The following KIF18B variants were observed in gnomAD, a reference collection of about 807,000 sequenced individuals.
The protein encoded by KIF18B is kinesin family member 18B.
Under a neutral mutation model 80.9 loss-of-function variants are expected in KIF18B, and 49 were observed. The ratio of observed to expected loss-of-function variants is 0.61; its 90% CI spans 0.48 to 0.77. The LOEUF (loss-of-function observed/expected upper bound fraction) is 0.77, where lower values mean the gene tolerates loss of function less well. Among genes scored for constraint, KIF18B ranks in the 30% least tolerant of loss-of-function variants. The probability of loss-of-function intolerance (pLI) is 0.00; values close to 1 mark genes in which losing one functional copy is unlikely to be tolerated. For synonymous variants in KIF18B, 439 were observed against 463.9 expected (o/e 0.95, Z 0.69); for missense variants, 994 against 1,127.7 (o/e 0.88, Z 1.70).
chr17:44,928,731 A>G, intron 12 of KIF18B, 88 bp downstream of exon 12: 1 of 1,445,242 alleles, frequency 6.9e-7, no homozygotes, highest in Non-Finnish European at 9.4e-7. Flanking sequence ...AAACCCAGCA[A>G]CTGAGGCCCC....
intron 2 of KIF18B, 100 bp from the exon 3 acceptor site, chr17:44,935,516 C>T (rs2052269744): frequency 2.4e-6 from 3 of 1,273,404 alleles, no homozygotes; most frequent in African/African-American, 1.5e-5. Flanking sequence ...CCTGTGTTCC[C>T]TGGTCCATTA....
intron 1 of KIF18B, among the ~76,000 whole-genome samples, chr17:44,936,699 G>T (rs144314588): frequency 7.9e-6 from 1 of 126,286 alleles, no homozygotes; most frequent in Non-Finnish European, 1.6e-5. Flanking sequence ...GAGTGCAATG[G>T]CATGATCTCG....
At chr17:44,938,893 A>C (rs2052361574) in intron 1 of KIF18B, among the ~76,000 whole-genome samples, 1 of 151,736 alleles carries the variant, frequency 6.6e-6, no homozygotes, top group African/African-American at 2.4e-5. Context: ...GAAAATACAA[A>C]ATTAGGCGGG....
Position 44,933,906 on chromosome 17 carries a change from C to A in KIF18B, c.1062+17G>T. 6.5e-7 allele frequency: 1 copy of A among 1,544,214 alleles called. No individual in the cohort carries two copies. Among genetic ancestry groups the A allele is most frequent in the Non-Finnish European group, 8.7e-7 (1 of 1,144,214 alleles). On this transcript the variant is annotated intron_variant, in intron 7 of 15. Coordinates refer to ENST00000593135, the MANE Select transcript of KIF18B (RefSeq NM_001265577.2). ...TGGAGCTGCCCCACGCCCAAGCCGG[C>A]CCTGGCTGGCACGCACCGAGAGCCT...
At position 44,934,291 on chromosome 17, in the gene KIF18B, T is replaced by A. The variant is rs2052227928; in HGVS notation, c.827A>T (p.Asn276Ile). ...AKGERLREGANINRSLLALIN... is the reference protein window; with the variant it reads ...AKGERLREGAIINRSLLALIN... Reference sequence around the variant, plus strand: ...GAGCGCCAGCAGAGAGCGGTTGATGTTGGCCCCCTCCCGCAGCCGCTCCCC... The same window carrying A: ...GAGCGCCAGCAGAGAGCGGTTGATGATGGCCCCCTCCCGCAGCCGCTCCCC... Residue 276 changes from asparagine to isoleucine, a missense_variant, in exon 6 of 16, where the codon AAC becomes ATC. Coordinates refer to ENST00000593135, the MANE Select transcript of KIF18B (RefSeq NM_001265577.2). The surrounding 1 kb of genome is among the most constrained non-coding windows in gnomAD (Gnocchi z 5.4). The A allele has an allele frequency of 1.2e-5, 19 of 1,613,222 alleles. No individual in the cohort carries two copies. The highest frequency in any genetic ancestry group is 1.6e-5 in the Non-Finnish European group (19 of 1,179,782).
At position 44,934,310 on chromosome 17, in the gene KIF18B, G is replaced by T. The variant is rs1261038268; in HGVS notation, c.808C>A (p.Arg270=). 6.2e-7 allele frequency: 1 copy of T among 1,611,054 alleles called. No individual in the cohort carries two copies. Among genetic ancestry groups the T allele is most frequent in the Non-Finnish European group, 8.5e-7 (1 of 1,178,772 alleles). The change falls in exon 6 of 16, where the codon CGG becomes AGG. Residue 270 remains arginine, a synonymous_variant. Transcript: ENST00000593135. This position sits in a 1 kb window ranked among gnomAD's most constrained non-coding sequence, Gnocchi z 5.4. ...RASSTHAKGE[R]LREGANINRS... ...TTGATGTTGGCCCCCTCCCGCAGCCGCTCCCCCTTCGCATGGGTGCTGGAT... is the reference window on the plus strand; with the variant it reads ...TTGATGTTGGCCCCCTCCCGCAGCCTCTCCCCCTTCGCATGGGTGCTGGAT...
chr17:44,947,312 CG>C (rs1465740362), intron 1 of KIF18B, among the ~76,000 whole-genome samples: 2 of 152,008 alleles, frequency 1.3e-5, no homozygotes, highest in African/African-American at 4.8e-5. Context: ...GGACCTTTCA[CG>C]GGGCCGACGT....
chr17:44,931,815 C>T (rs1284453810), intron 10 of KIF18B, 86 bp from the exon 11 acceptor site: 3 of 1,534,570 alleles, frequency 2.0e-6, no homozygotes, highest in Non-Finnish European at 1.8e-6. Flanking sequence ...TTCCCTCCTA[C>T]AAGAGTGGAA....
At chr17:44,930,838 G>A (rs1158400873) in intron 11 of KIF18B, among the ~76,000 whole-genome samples, 1 of 152,134 alleles carries the variant, frequency 6.6e-6, no homozygotes, top group African/African-American at 2.4e-5. Flanking sequence ...CAGGGCCCTG[G>A]GCAGGACCTG....
chr17:44,941,193 C>A (rs79308843), intron 1 of KIF18B, among the ~76,000 whole-genome samples: 12,849 of 152,056 alleles, frequency 0.085, 610 homozygotes, highest in Middle Eastern at 0.19. Context: ...GCTATACTGC[C>A]TTATAGTGAT....
intron 1 of KIF18B, among the ~76,000 whole-genome samples, chr17:44,941,273 C>A (rs57268380): frequency 1.3e-4 from 19 of 151,396 alleles, no homozygotes; most frequent in African/African-American, 4.6e-4. Context: ...ATTATAATTC[C>A]TTTTATGGAA....
At chr17:44,935,075 G>A in intron 3 of KIF18B, 140 bp from the exon 4 acceptor site, 9 of 871,722 alleles carry the variant, frequency 1.0e-5, no homozygotes, top group Non-Finnish European at 1.6e-5. Context: ...TGTGTTACAT[G>A]ACCACAGCAG....
chr17:44,933,002 G>A lies in KIF18B; in HGVS notation c.1063-16C>T. On this transcript the variant is annotated splice_polypyrimidine_tract_variant and intron_variant, in intron 7 of 15. Coordinates refer to ENST00000593135, the MANE Select transcript of KIF18B (RefSeq NM_001265577.2). ...TGCTCTTCAGCTGAGATGGGGAACA[G>A]GAGAGAGATTTATTTGTTCATTCAA... The A allele has an allele frequency of 1.3e-6, 2 of 1,598,250 alleles. No individual in the cohort carries two copies. The highest frequency in any genetic ancestry group is 1.7e-6 in the Non-Finnish European group (2 of 1,167,766).
In KIF18B at chr17:44,932,672, C is replaced by T; in HGVS notation, c.1238+1G>A. 6.2e-7 allele frequency: 1 copy of T among 1,600,240 alleles called. No homozygotes were observed. Among genetic ancestry groups the T allele is most frequent in the Non-Finnish European group, 8.6e-7 (1 of 1,169,350 alleles). On this transcript the variant is annotated splice_donor_variant, in intron 9 of 15. Coordinates refer to ENST00000593135, the MANE Select transcript of KIF18B (RefSeq NM_001265577.2). LOFTEE classifies it high-confidence loss of function. ...GGGCGGGAATGGGCAGTGGAACTCACTGTTCTGGTGGTGGTCCCGACTTGG... is the reference window on the plus strand; with the variant it reads ...GGGCGGGAATGGGCAGTGGAACTCATTGTTCTGGTGGTGGTCCCGACTTGG...
Position 44,934,767 on chromosome 17 carries a change from A to G in KIF18B, c.576+64T>C, listed in dbSNP as rs2145705475. 7.4e-7 allele frequency: 1 copy of G among 1,349,456 alleles called. No individual in the cohort carries two copies. The highest frequency in any genetic ancestry group is 1.0e-6 in the Non-Finnish European group (1 of 979,602). The allele number at this position is 1,349,456 out of a possible 1,614,324, so 83.6% of individuals were successfully genotyped here. ...CACAGGACCCAGGGCATCCCCAAAC[A>G]GTTTTGTGAGGGAACCCCAAGGACC... On this transcript the variant is annotated intron_variant, in intron 4 of 15. Transcript: ENST00000593135. This position sits in a 1 kb window ranked among gnomAD's most constrained non-coding sequence, Gnocchi z 5.4.
At chr17:44,938,781 A>C (rs1180785913) in intron 1 of KIF18B, among the ~76,000 whole-genome samples, 1 of 152,148 alleles carries the variant, frequency 6.6e-6, no homozygotes, top group Non-Finnish European at 1.5e-5. Context: ...GTGGTGGCTC[A>C]TGCCTGTAAT....
rs556493555 is a variant in KIF18B at position 44,942,906 on chromosome 17, C to T, written c.-15+4722G>A. On this transcript the variant is annotated intron_variant, in intron 1 of 15. Coordinates refer to ENST00000593135, the MANE Select transcript of KIF18B (RefSeq NM_001265577.2). ...ACAGGAGGCACAGGAACTTGTCTCC[C>T]AAATGTGAAGTAGCAAGGCTAGAAC... Among the ~76,000 whole-genome samples, 98 of 152,300 alleles carry T rather than the reference C, an allele frequency of 6.4e-4. 2 individuals carry two copies. In the South Asian group the frequency reaches 0.02, roughly 31 times the overall value.
At chr17:44,932,836 A>G (rs977605916) in intron 8 of KIF18B, 63 bp from the exon 9 acceptor site, 3 of 1,566,152 alleles carry the variant, frequency 1.9e-6, no homozygotes, top group African/African-American at 2.7e-5. Flanking sequence ...AGGGGCAGAC[A>G]GAGCCCCCGC....
In KIF18B at chr17:44,936,341, C is replaced by T. The variant is rs2145715990; in HGVS notation, c.4G>A (p.Ala2Thr). The part of the protein sequence containing the change: M[A>T]VEDSTLQVVV... ...ACTTGCAGCGTGCTGTCCTCCACTG[C>T]CATCACTGTGGTGACACCTGGGTGA... Residue 2 changes from alanine (A) to threonine (T), a missense_variant, in exon 2 of 16, where the codon GCA becomes ACA. Transcript: ENST00000593135. The T allele has an allele frequency of 1.2e-6, 2 of 1,601,972 alleles. No individual in the cohort carries two copies. Among genetic ancestry groups the T allele is most frequent in the East Asian group, 2.2e-5 (1 of 44,600 alleles).
Sources: allele counts gnomAD v4.1 joint callset (sites outside exome capture counted in the v4.1 genomes callset), GRCh38; gene constraint gnomAD v4.1.1; non-coding constraint Gnocchi (gnomAD v3.1); transcripts MANE v1.5; gene names NCBI Gene and HGNC (gene_info 2026-07-23, HGNC 2026-07-21).